The following MARCHF3 variants were observed in gnomAD, a reference collection of about 807,000 sequenced individuals.
The protein encoded by MARCHF3 is membrane associated ring-CH-type finger 3.
MARCHF3 carries 13 observed loss-of-function variants against 24.2 expected under a neutral mutation model. That is an observed-to-expected ratio of 0.54 (90% CI 0.35 to 0.85). The LOEUF (loss-of-function observed/expected upper bound fraction) is 0.85. Ranked by LOEUF, MARCHF3 falls within the 40% of genes least tolerant of loss-of-function variation. The pLI, the probability that MARCHF3 is intolerant of heterozygous loss-of-function variation, is 0.01. For missense variants in MARCHF3, 276 were observed against 325.0 expected (o/e 0.85, Z 1.16); for synonymous variants, 144 against 137.3 (o/e 1.05, Z -0.34).
Position 126,954,198 on chromosome 5 carries a change from AATT to A in MARCHF3, c.-56-35974_-56-35972del, listed in dbSNP as rs1750353630. On this transcript the variant is annotated intron_variant, in intron 1 of 4. Coordinates refer to ENST00000308660, the MANE Select transcript of MARCHF3 (RefSeq NM_178450.5). ...CAGGCGCCTGCCAACACGCCCGGCT[AATT>A]TTTTTTTTTTTTTTTTTTTTTGTAT... is the stretch of plus-strand genomic sequence containing the variant. 2.5e-5 allele frequency among the ~76,000 whole-genome samples: 3 copies of A among 121,524 alleles called. No homozygotes were observed. In the Admixed American group the frequency reaches 2.6e-4, roughly 10 times the overall value. The allele number at this position is 121,524 out of a possible 152,430, so 79.7% of individuals were successfully genotyped here. A position where few individuals can be genotyped will look rare whatever the true frequency, so the allele number is the denominator to read the frequency against.
chr5:126,943,422 T>A (rs1307537037), intron 1 of MARCHF3, among the ~76,000 whole-genome samples: 2 of 151,742 alleles, frequency 1.3e-5, no homozygotes, highest in Non-Finnish European at 2.9e-5. Context: ...TACAAAATAA[T>A]TAAAACAAAT....
chr5:126,966,859 T>C (rs1316638833), intron 1 of MARCHF3, among the ~76,000 whole-genome samples: 10 of 150,442 alleles, frequency 6.6e-5, no homozygotes, highest in African/African-American at 2.4e-4. Context: ...CTTTAAATTC[T>C]TGTATTTGCT....
At chr5:126,936,312 C>T (rs903870673) in intron 1 of MARCHF3, among the ~76,000 whole-genome samples, 6 of 152,156 alleles carry the variant, frequency 3.9e-5, no homozygotes, top group African/African-American at 1.2e-4. Flanking sequence ...ATCTGCAGTA[C>T]TTTTTAATAC....
At chr5:126,973,879 A>ACTTT (rs1751102895) in intron 1 of MARCHF3, among the ~76,000 whole-genome samples, 1 of 82,942 alleles carries the variant, frequency 1.2e-5, no homozygotes. Context: ...AGCAAAATCT[A>ACTTT]TTTTTTTTTT....
chr5:127,015,935 T>A (rs181055676), intron 1 of MARCHF3, among the ~76,000 whole-genome samples: 1 of 152,306 alleles, frequency 6.6e-6, no homozygotes, highest in Admixed American at 6.5e-5. Flanking sequence ...GTCTATGCTG[T>A]CTACATTCCC....
chr5:126,917,247 C>T lies in MARCHF3; in HGVS notation c.188+737G>A, dbSNP rs73783491. ...CATTCTGAGAAAAAGCTGGAGAAGC[C>T]AAGGAGTTCCTATTAGCCTGGCAGC... On this transcript the variant is annotated intron_variant, in intron 2 of 4. Coordinates refer to ENST00000308660, the MANE Select transcript of MARCHF3 (RefSeq NM_178450.5). 8.4e-3 allele frequency among the ~76,000 whole-genome samples: 1,284 copies of T among 152,254 alleles called. 19 individuals are homozygous for T. The highest frequency in any genetic ancestry group is 0.025 in the East Asian group (132 of 5,182).
At chr5:126,906,244 C>A (rs1754290502) in intron 3 of MARCHF3, among the ~76,000 whole-genome samples, 1 of 151,628 alleles carries the variant, frequency 6.6e-6, no homozygotes, top group South Asian at 2.1e-4. Flanking sequence ...ATTTTTGCAT[C>A]AATGTTCATC....
chr5:126,983,272 A>T (rs890344528), intron 1 of MARCHF3, among the ~76,000 whole-genome samples: 1 of 152,188 alleles, frequency 6.6e-6, no homozygotes, highest in Non-Finnish European at 1.5e-5. Flanking sequence ...GATCCTTCTT[A>T]AAAATCGGCT....
chr5:126,873,147 G>A (rs1049184021), intron 4 of MARCHF3, among the ~76,000 whole-genome samples: 13 of 152,108 alleles, frequency 8.5e-5, no homozygotes, highest in Admixed American at 6.5e-5. Flanking sequence ...AGTGCAGGCC[G>A]CAGGCTCCGG....
intron 1 of MARCHF3, among the ~76,000 whole-genome samples, chr5:126,954,719 C>T (rs374143205): frequency 3.2e-4 from 48 of 150,260 alleles, no homozygotes; most frequent in Middle Eastern, 3.4e-3. Context: ...AGAGCGCACT[C>T]ATGCATTTAC....
chr5:126,999,274 CTT>C (rs903767558), intron 1 of MARCHF3, among the ~76,000 whole-genome samples: 1 of 152,088 alleles, frequency 6.6e-6, no homozygotes, highest in East Asian at 1.9e-4. Context: ...AGATGGCAGA[CTT>C]TTTTTTCTTA....
chr5:126,873,322 T>C (rs558844230), intron 4 of MARCHF3, among the ~76,000 whole-genome samples: 2 of 152,216 alleles, frequency 1.3e-5, no homozygotes, highest in African/African-American at 2.4e-5. Flanking sequence ...AGAGCATACA[T>C]TTTAGTGTTC....
intron 1 of MARCHF3, among the ~76,000 whole-genome samples, chr5:126,928,716 T>G (rs1749380409): frequency 1.3e-5 from 2 of 152,234 alleles, no homozygotes; most frequent in South Asian, 4.1e-4. Context: ...TTGCATTTCC[T>G]TCCCTTTGTT....
In MARCHF3 at chr5:127,026,378, C is replaced by T. The variant is rs114768281; in HGVS notation, c.-57+3972G>A. On this transcript the variant is annotated intron_variant, in intron 1 of 4. Coordinates refer to ENST00000308660, the MANE Select transcript of MARCHF3 (RefSeq NM_178450.5). ...CAGACAAAACAGCACAGGGCTAAAA[C>T]ACATGTCTAAAGGATTCTATACGTA... 6.0e-3 allele frequency among the ~76,000 whole-genome samples: 921 copies of T among 152,312 alleles called. 7 individuals carry two copies. The highest frequency in any genetic ancestry group is 0.025 in the East Asian group (132 of 5,188).
chr5:126,934,504 C>T (rs988305634), intron 1 of MARCHF3, among the ~76,000 whole-genome samples: 25 of 151,156 alleles, frequency 1.7e-4, no homozygotes, highest in Non-Finnish European at 3.1e-4. Context: ...GCACTCTGAT[C>T]TAGGGGTTAT....
At chr5:126,885,989 T>C (rs1271776385) in intron 3 of MARCHF3, among the ~76,000 whole-genome samples, 1 of 146,774 alleles carries the variant, frequency 6.8e-6, no homozygotes, top group African/African-American at 2.6e-5. Flanking sequence ...ACAATTACTA[T>C]GTATATATAT....
At chr5:126,939,090 T>TAATA (rs1207918526) in intron 1 of MARCHF3, among the ~76,000 whole-genome samples, 1 of 152,216 alleles carries the variant, frequency 6.6e-6, no homozygotes, top group African/African-American at 2.4e-5. Flanking sequence ...GGATATTGTA[T>TAATA]AATAACAGCA....
At chr5:126,917,958 T>G in intron 2 of MARCHF3, 26 bp downstream of exon 2, 1 of 1,602,146 alleles carries the variant, frequency 6.2e-7, no homozygotes, top group Non-Finnish European at 8.5e-7. Context: ...CAATTACAGA[T>G]TCATTTATTT....
chr5:126,999,744 C>T (rs752228214), intron 1 of MARCHF3, among the ~76,000 whole-genome samples: 1 of 152,088 alleles, frequency 6.6e-6, no homozygotes, highest in Non-Finnish European at 1.5e-5. Context: ...CAATGAACAC[C>T]GATTATTATA....
Sources: allele counts gnomAD v4.1 joint callset (sites outside exome capture counted in the v4.1 genomes callset), GRCh38; gene constraint gnomAD v4.1.1; transcripts MANE v1.5; gene names NCBI Gene and HGNC (gene_info 2026-07-23, HGNC 2026-07-21).